The following CLASP2 variants were observed in gnomAD, a reference collection of about 807,000 sequenced individuals.
The protein encoded by CLASP2 is cytoplasmic linker associated protein 2, also known as CLIP-associating protein 2.
Under a neutral mutation model 194.4 loss-of-function variants are expected in CLASP2, and 47 were observed. That is an observed-to-expected ratio of 0.24 (90% CI 0.19 to 0.31). The LOEUF (loss-of-function observed/expected upper bound fraction) is 0.31, where lower values mean the gene tolerates loss of function less well. Ranked by LOEUF, CLASP2 falls within the 10% of genes least tolerant of loss-of-function variation. The pLI is 1.00. For missense variants in CLASP2, 1,445 were observed against 1,823.6 expected (o/e 0.79, Z 3.78); for synonymous variants, 619 against 633.5 (o/e 0.98, Z 0.34).
chr3:33,640,422 T>TA (rs2081064738), intron 8 of CLASP2, among the ~76,000 whole-genome samples: 1 of 152,168 alleles, frequency 6.6e-6, no homozygotes, highest in Admixed American at 6.5e-5. Flanking sequence ...CTACTAAATG[T>TA]AAAATGGCAG....
chr3:33,504,418 C>G (rs760499055), intron 37 of CLASP2: 2 of 152,152 alleles, frequency 1.3e-5, no homozygotes, highest in Non-Finnish European at 2.9e-5. Context: ...AGCCAGTGAC[C>G]TGACAGAGAT....
intron 7 of CLASP2, among the ~76,000 whole-genome samples, chr3:33,646,292 G>T (rs2082273523): frequency 6.6e-6 from 1 of 151,564 alleles, no homozygotes; most frequent in African/African-American, 2.4e-5. Context: ...AAAGAAAAAA[G>T]AATCAAATAG....
intron 23 of CLASP2, among the ~76,000 whole-genome samples, chr3:33,579,733 A>G (rs1309530240): frequency 2.0e-5 from 3 of 152,280 alleles, no homozygotes; most frequent in South Asian, 2.1e-4. Flanking sequence ...AATCCTAAGA[A>G]GTACACACTA....
intron 1 of CLASP2, among the ~76,000 whole-genome samples, chr3:33,709,870 AG>A (rs1056563874): frequency 6.6e-6 from 1 of 152,230 alleles, no homozygotes; most frequent in African/African-American, 2.4e-5. Context: ...ACTTACTAAA[AG>A]ATTTAGAAAT....
intron 6 of CLASP2, among the ~76,000 whole-genome samples, chr3:33,667,406 C>CAAA (rs537846651): frequency 0.028 from 1,235 of 44,038 alleles, 175 homozygotes; most frequent in African/African-American, 0.12. Flanking sequence ...GAGACTATCT[C>CAAA]AAAAAAAAAA....
At chr3:33,615,568 A>C (rs1448287378) in intron 12 of CLASP2, among the ~76,000 whole-genome samples, 24 of 152,042 alleles carry the variant, frequency 1.6e-4, no homozygotes, top group Admixed American at 1.6e-3. Flanking sequence ...ATTTAAAAAA[A>C]AAAAGAGACC....
intron 33 of CLASP2, among the ~76,000 whole-genome samples, chr3:33,538,160 A>G (rs2057729295): frequency 6.6e-6 from 1 of 151,990 alleles, no homozygotes; most frequent in African/African-American, 2.4e-5. Flanking sequence ...AAAAGACTCA[A>G]TGTGATCTGG....
At chr3:33,709,032 A>G (rs924862445) in intron 1 of CLASP2, among the ~76,000 whole-genome samples, 8 of 152,094 alleles carry the variant, frequency 5.3e-5, no homozygotes. Context: ...ATTTGCCAGT[A>G]TTTTCTCCCA....
intron 34 of CLASP2, among the ~76,000 whole-genome samples, chr3:33,526,275 G>A (rs2054541365): frequency 6.6e-6 from 1 of 151,962 alleles, no homozygotes; most frequent in African/African-American, 2.4e-5. Context: ...TCAAAATAAA[G>A]GTATGGAGGA....
chr3:33,568,868 G>T lies in CLASP2; in HGVS notation c.2763+1859C>A, dbSNP rs577168878. Among the ~76,000 whole-genome samples, 9 of 152,260 alleles carry T rather than the reference G, an allele frequency of 5.9e-5. No individual in the cohort carries two copies. In the South Asian group the frequency reaches 1.9e-3, roughly 32 times the overall value. On this transcript the variant is annotated intron_variant, in intron 26 of 38. Transcript: ENST00000682230. ...AAAAATACATTAAAAAGGGAGGGGTGCAGCTATTTAAAAAATATCAGAATA... is the reference window on the plus strand; with the variant it reads ...AAAAATACATTAAAAAGGGAGGGGTTCAGCTATTTAAAAAATATCAGAATA...
At chr3:33,511,030 A>AT (rs397875429) in intron 36 of CLASP2, among the ~76,000 whole-genome samples, 2,645 of 105,874 alleles carry the variant, frequency 0.025, 43 homozygotes, top group African/African-American at 0.043. Context: ...TGGCTAAAGT[A>AT]TTTTTTTTTT....
chr3:33,565,579 G>A (rs965222939), intron 27 of CLASP2, among the ~76,000 whole-genome samples: 9 of 151,744 alleles, frequency 5.9e-5, no homozygotes, highest in African/African-American at 2.2e-4. Context: ...TTGGGAGGCC[G>A]AGGTGTGTGG....
chr3:33,593,990 G>A (rs1306351269), intron 20 of CLASP2, among the ~76,000 whole-genome samples: 7 of 151,966 alleles, frequency 4.6e-5, no homozygotes, highest in African/African-American at 1.7e-4. Flanking sequence ...ACTATAGGAC[G>A]GTGCCACCAC....
At chr3:33,675,394 T>A (rs1365595179) in intron 6 of CLASP2, among the ~76,000 whole-genome samples, 2 of 151,938 alleles carry the variant, frequency 1.3e-5, no homozygotes, top group Non-Finnish European at 2.9e-5. Context: ...ACAACCTTCA[T>A]GCTAAAAACT....
intron 10 of CLASP2, among the ~76,000 whole-genome samples, chr3:33,624,023 G>A (rs1454783521): frequency 1.3e-5 from 2 of 152,174 alleles, no homozygotes; most frequent in Non-Finnish European, 1.5e-5. Context: ...CCTAGCCAGA[G>A]CAACTAGACA....
chr3:33,543,416 AATC>A lies in CLASP2; in HGVS notation c.3404+14_3404+16del. 1 of 1,435,810 alleles carries A rather than the reference AATC, an allele frequency of 7.0e-7. No individual in the cohort carries two copies. Among genetic ancestry groups the A allele is most frequent in the Non-Finnish European group, 9.8e-7 (1 of 1,017,624 alleles). 88.9% of individuals were successfully genotyped at this position (1,435,810 alleles called of 1,614,324 possible). On this transcript the variant is annotated intron_variant, in intron 32 of 38. Coordinates refer to ENST00000682230, the MANE Select transcript of CLASP2 (RefSeq NM_001365631.1). The stretch of plus-strand genomic sequence containing the variant: ...TTTACAAATACAAACCATCATGAAA[AATC>A]ATCCTTTTATTACCTTGGAGATAAA...
intron 20 of CLASP2, among the ~76,000 whole-genome samples, chr3:33,593,331 C>T (rs796627026): frequency 2.0e-5 from 3 of 152,186 alleles, no homozygotes; most frequent in African/African-American, 7.2e-5. Context: ...GTCTCAACTG[C>T]TATCAAATCA....
rs907271044 is a variant in CLASP2 at position 33,700,994 on chromosome 3, T to A, written c.196-4061A>T. Among the ~76,000 whole-genome samples, 4 of 152,186 alleles carry A rather than the reference T, an allele frequency of 2.6e-5. No individual in the cohort carries two copies. In the South Asian group the frequency reaches 8.3e-4, roughly 32 times the overall value. Reference sequence around the variant, plus strand: ...CTAACAATTAAGTCCAAGATCTACATGCTGAAATCACAAAATGCTAATGAA... The same window carrying A: ...CTAACAATTAAGTCCAAGATCTACAAGCTGAAATCACAAAATGCTAATGAA... On this transcript the variant is annotated intron_variant, in intron 1 of 38. Transcript: ENST00000682230.
chr3:33,627,272 C>T (rs1429088102), intron 9 of CLASP2, 192 bp from the exon 10 acceptor site: 1 of 574,646 alleles, frequency 1.7e-6, no homozygotes, highest in Non-Finnish European at 3.1e-6. Flanking sequence ...TTACTTGTTA[C>T]CATTTTTGCT....
Sources: gnomAD v4.1 joint callset for allele counts (sites outside exome capture counted in the v4.1 genomes callset) on GRCh38, gnomAD v4.1.1 for gene constraint, MANE v1.5 for transcripts, NCBI Gene and HGNC (gene_info 2026-07-23, HGNC 2026-07-21) for gene names.